The following OR6C4 variants were observed in gnomAD, a reference collection of about 807,000 sequenced individuals.
OR6C4 encodes olfactory receptor family 6 subfamily C member 4.
A neutral mutation model predicts 15.1 loss-of-function variants in OR6C4; 20 were observed. The ratio of observed to expected loss-of-function variants is 1.32; its 90% CI spans 0.93 to 1.92. The LOEUF is 1.92. OR6C4 is among the 30% of genes most tolerant of loss of function. The pLI, the probability that OR6C4 is intolerant of heterozygous loss-of-function variation, is 0.00. For synonymous variants in OR6C4, 179 were observed against 134.2 expected (o/e 1.33, Z -2.31); for missense variants, 491 against 363.2 (o/e 1.35, Z -2.86).
Position 55,553,727 on chromosome 12 carries a change from C to T in OR6C4, c.*1571C>T, listed in dbSNP as rs1873939863. On this transcript the variant is annotated 3_prime_UTR_variant, in exon 2 of 2. Coordinates refer to ENST00000641569, the MANE Select transcript of OR6C4 (RefSeq NM_001005494.2). ...CACATTTCTACTAAAACCTATGGTACAGTGGGAGCAATGTCATATAGTGGC... is the reference window on the plus strand; with the variant it reads ...CACATTTCTACTAAAACCTATGGTATAGTGGGAGCAATGTCATATAGTGGC... 1 of 152,054 alleles carries T rather than the reference C, an allele frequency of 6.6e-6. No individual in the cohort carries two copies. The highest frequency in any genetic ancestry group is 1.5e-5 in the Non-Finnish European group (1 of 68,000). 9.4% of individuals were successfully genotyped at this position (152,054 alleles called of 1,614,324 possible). A position where few individuals can be genotyped will look rare whatever the true frequency, so the allele number is the denominator to read the frequency against.
In OR6C4 at chr12:55,553,245, A is replaced by C. The variant is rs953067199; in HGVS notation, c.*1089A>C. The C allele has an allele frequency of 2.6e-5, 4 of 152,154 alleles. No individual in the cohort carries two copies. Among genetic ancestry groups the C allele is most frequent in the South Asian group, 2.1e-4 (1 of 4,834 alleles). 9.4% of individuals were successfully genotyped at this position (152,154 alleles called of 1,614,324 possible). A position where few individuals can be genotyped will look rare whatever the true frequency, so the allele number is the denominator to read the frequency against. Reference sequence around the variant, plus strand: ...TTACACATGGATTCAAGGCAATGACAACTTGAATTTGAATAGGTAGTGGTA... The same window carrying C: ...TTACACATGGATTCAAGGCAATGACCACTTGAATTTGAATAGGTAGTGGTA... On this transcript the variant is annotated 3_prime_UTR_variant, in exon 2 of 2. Transcript: ENST00000641569.
chr12:55,555,237 A>G lies in OR6C4; in HGVS notation c.*3081A>G, dbSNP rs1358178533. ...TGGGATTTTAGTGCACCTGTCACCC[A>G]AGTAGTATACATTGGACCTAAGCTG... On this transcript the variant is annotated 3_prime_UTR_variant, in exon 2 of 2. Transcript: ENST00000641569. The G allele has an allele frequency of 6.6e-6, 1 of 152,138 alleles. No homozygotes were observed. The highest frequency in any genetic ancestry group is 2.4e-5 in the African/African-American group (1 of 41,428). The allele number at this position is 152,138 out of a possible 1,614,324, so 9.4% of individuals were successfully genotyped here. A position where few individuals can be genotyped will look rare whatever the true frequency, so the allele number is the denominator to read the frequency against.
chr12:55,551,287 C>G lies in OR6C4; in HGVS notation c.61C>G (p.Leu21Val). 6.2e-7 allele frequency: 1 copy of G among 1,613,546 alleles called. No homozygotes were observed. Among genetic ancestry groups the G allele is most frequent in the Non-Finnish European group, 8.5e-7 (1 of 1,179,692 alleles). ...ACTGGGCCTTACAAATCAACCTGAA[C>G]TCCAAGTGATGATATTCATCTTTCT... is the stretch of plus-strand genomic sequence containing the variant. ...ILLGLTNQPE[L>V]QVMIFIFLFL... Residue 21 changes from leucine (L) to valine (V), a missense_variant, in exon 2 of 2, where the codon CTC becomes GTC. Leu to Val is a conservative substitution (Grantham distance 32, BLOSUM62 1). Transcript: ENST00000641569.
chr12:55,553,156 T>C lies in OR6C4; in HGVS notation c.*1000T>C, dbSNP rs1040640256. 2.0e-5 allele frequency: 3 copies of C among 152,144 alleles called. No individual in the cohort carries two copies. Among genetic ancestry groups the C allele is most frequent in the African/African-American group, 7.2e-5 (3 of 41,448 alleles). 9.4% of individuals were successfully genotyped at this position (152,144 alleles called of 1,614,324 possible). On this transcript the variant is annotated 3_prime_UTR_variant, in exon 2 of 2. Coordinates refer to ENST00000641569, the MANE Select transcript of OR6C4 (RefSeq NM_001005494.2). Reference sequence around the variant, plus strand: ...TATAAAGTGTCAATGCAATCTTATATCTAGAATGTTCCAAATTATGAGTCT... The same window carrying C: ...TATAAAGTGTCAATGCAATCTTATACCTAGAATGTTCCAAATTATGAGTCT...
Position 55,551,711 on chromosome 12 carries a change from C to A in OR6C4, c.485C>A (p.Thr162Asn), listed in dbSNP as rs376592523. The A allele has an allele frequency of 6.2e-7, 1 of 1,613,886 alleles. No homozygotes were observed. Among genetic ancestry groups the A allele is most frequent in the Non-Finnish European group, 8.5e-7 (1 of 1,179,892 alleles). The change falls in exon 2 of 2, where the codon ACC (threonine) becomes AAC (asparagine). Residue 162 changes from threonine (T) to asparagine (N), a missense_variant. Transcript: ENST00000641569. ...ATCTTACCACCAATCATCCTGATGA[C>A]CCAGGTAGATTTCTGTGTCTCCAAC... ...LAILPPIILM[T>N]QVDFCVSNIL...
Position 55,551,787 on chromosome 12 carries a change from C to T in OR6C4, c.561C>T (p.Cys187=). The T allele has an allele frequency of 6.2e-7, 1 of 1,612,370 alleles. No individual in the cohort carries two copies. The highest frequency in any genetic ancestry group is 8.5e-7 in the Non-Finnish European group (1 of 1,179,926). The change falls in exon 2 of 2, where the codon TGC becomes TGT. Residue 187 remains cysteine (C), a synonymous_variant. Transcript: ENST00000641569. ...CDYGPLVELA[C]SDTSLLELMV... Reference sequence around the variant, plus strand: ...ATGGGCCTCTCGTGGAGCTTGCCTGCTCAGACACAAGCCTCTTAGAACTGA... The same window carrying T: ...ATGGGCCTCTCGTGGAGCTTGCCTGTTCAGACACAAGCCTCTTAGAACTGA...
rs968318555 is a variant in OR6C4 at position 55,552,774 on chromosome 12, TGAG to T, written c.*622_*624del. The T allele has an allele frequency of 1.3e-5, 2 of 152,124 alleles. No individual in the cohort carries two copies. 9.4% of individuals were successfully genotyped at this position (152,124 alleles called of 1,614,324 possible). On this transcript the variant is annotated 3_prime_UTR_variant, in exon 2 of 2. Coordinates refer to ENST00000641569, the MANE Select transcript of OR6C4 (RefSeq NM_001005494.2). ...TATATTTAGTCTACTTTTCTCCAAA[TGAG>T]GAGAAAATTTTTAAGATTTTTGTCA...
Position 55,551,417 on chromosome 12 carries a change from T to A in OR6C4, c.191T>A (p.Phe64Tyr), listed in dbSNP as rs1483559143. The stretch of plus-strand genomic sequence containing the variant: ...CCCATGTATTTCTTCCTCCGGAATT[T>A]CTCCTTCTTAGAAATTTCCTTCACA... ...QTPMYFFLRN[F>Y]SFLEISFTSI... is the part of the protein sequence containing the mutation. The change falls in exon 2 of 2, where the codon TTC (phenylalanine) becomes TAC (tyrosine). Residue 64 changes from phenylalanine to tyrosine, a missense_variant. Physicochemically the swap from Phe to Tyr is conservative, Grantham distance 22 (BLOSUM62 3). Transcript: ENST00000641569. 2.5e-6 allele frequency: 4 copies of A among 1,613,950 alleles called. No homozygotes were observed. Among genetic ancestry groups the A allele is most frequent in the Non-Finnish European group, 3.4e-6 (4 of 1,179,950 alleles).
In OR6C4 at chr12:55,552,403, G is replaced by A; in HGVS notation, c.*247G>A. 1 of 340,064 alleles carries A rather than the reference G, an allele frequency of 2.9e-6. No individual in the cohort carries two copies. The highest frequency in any genetic ancestry group is 5.2e-6 in the Non-Finnish European group (1 of 191,490). 21.1% of individuals were successfully genotyped at this position (340,064 alleles called of 1,614,324 possible). ...GTGAATGGGGATCTGAAAAGGAACAGTTGGAAAGAATTAGTTCTGTTTTCC... is the reference window on the plus strand; with the variant it reads ...GTGAATGGGGATCTGAAAAGGAACAATTGGAAAGAATTAGTTCTGTTTTCC... On this transcript the variant is annotated 3_prime_UTR_variant, in exon 2 of 2. Coordinates refer to ENST00000641569, the MANE Select transcript of OR6C4 (RefSeq NM_001005494.2).
At position 55,553,201 on chromosome 12, in the gene OR6C4, G is replaced by A. The variant is rs1873924097; in HGVS notation, c.*1045G>A. 1 of 151,970 alleles carries A rather than the reference G, an allele frequency of 6.6e-6. No homozygotes were observed. The highest frequency in any genetic ancestry group is 2.4e-5 in the African/African-American group (1 of 41,402). The allele number at this position is 151,970 out of a possible 1,614,324, so 9.4% of individuals were successfully genotyped here. ...GAGTCTTGAAAAACAACTAGAAATA[G>A]ACTATCCTACCAAAAACTTTACACA... On this transcript the variant is annotated 3_prime_UTR_variant, in exon 2 of 2. Coordinates refer to ENST00000641569, the MANE Select transcript of OR6C4 (RefSeq NM_001005494.2).
rs1056830615 is a variant in OR6C4 at position 55,555,688 on chromosome 12, G to A, written c.*3532G>A. ...AGCTACTTGGGAGGCTAAGGTACAA[G>A]AATCACTTGAACCAGGGAGGCAGAG... On this transcript the variant is annotated 3_prime_UTR_variant, in exon 2 of 2. Coordinates refer to ENST00000641569, the MANE Select transcript of OR6C4 (RefSeq NM_001005494.2). The A allele has an allele frequency of 3.3e-5, 5 of 152,186 alleles. No homozygotes were observed. Among genetic ancestry groups the A allele is most frequent in the South Asian group, 2.1e-4 (1 of 4,834 alleles). 9.4% of individuals were successfully genotyped at this position (152,186 alleles called of 1,614,324 possible).
chr12:55,551,687 T>A lies in OR6C4; in HGVS notation c.461T>A (p.Ile154Asn), dbSNP rs1473203144. The change falls in exon 2 of 2, where the codon ATC (isoleucine) becomes AAC (asparagine). Residue 154 changes from isoleucine to asparagine, a missense_variant. Coordinates refer to ENST00000641569, the MANE Select transcript of OR6C4 (RefSeq NM_001005494.2). ...FCSWLGGFLA[I>N]LPPIILMTQV... is the part of the protein sequence containing the mutation. ...TCCTGGTTGGGGGGATTCCTAGCAATCTTACCACCAATCATCCTGATGACC... is the reference window on the plus strand; with the variant it reads ...TCCTGGTTGGGGGGATTCCTAGCAAACTTACCACCAATCATCCTGATGACC... 1 of 1,613,774 alleles carries A rather than the reference T, an allele frequency of 6.2e-7. No individual in the cohort carries two copies. The highest frequency in any genetic ancestry group is 1.7e-5 in the Admixed American group (1 of 59,914).
In OR6C4 at chr12:55,551,276, A is replaced by G. The variant is rs146968754; in HGVS notation, c.50A>G (p.Asn17Ser). The G allele has an allele frequency of 1.1e-5, 17 of 1,613,502 alleles. No homozygotes were observed. The highest frequency in any genetic ancestry group is 1.4e-5 in the Non-Finnish European group (17 of 1,179,754). Residue 17 changes from asparagine to serine, a missense_variant, in exon 2 of 2, where the codon AAT becomes AGT. Coordinates refer to ENST00000641569, the MANE Select transcript of OR6C4 (RefSeq NM_001005494.2). Reference sequence around the variant, plus strand: ...GAGTTTATTCTACTGGGCCTTACAAATCAACCTGAACTCCAAGTGATGATA... The same window carrying G: ...GAGTTTATTCTACTGGGCCTTACAAGTCAACCTGAACTCCAAGTGATGATA... ...FGEFILLGLT[N>S]QPELQVMIFI... is the part of the protein sequence containing the mutation.
rs377703851 is a variant in OR6C4 at position 55,551,278 on chromosome 12, C to A, written c.52C>A (p.Gln18Lys). 1.2e-6 allele frequency: 2 copies of A among 1,613,248 alleles called. No homozygotes were observed. Among genetic ancestry groups the A allele is most frequent in the Admixed American group, 1.7e-5 (1 of 59,858 alleles). The change falls in exon 2 of 2, where the codon CAA (glutamine) becomes AAA (lysine). Residue 18 changes from glutamine to lysine, a missense_variant. Transcript: ENST00000641569. ...GTTTATTCTACTGGGCCTTACAAAT[C>A]AACCTGAACTCCAAGTGATGATATT... is the stretch of plus-strand genomic sequence containing the variant. Reference protein sequence around the residue: ...GEFILLGLTNQPELQVMIFIF... With the variant: ...GEFILLGLTNKPELQVMIFIF...
At position 55,553,288 on chromosome 12, in the gene OR6C4, A is replaced by G. The variant is rs1873926062; in HGVS notation, c.*1132A>G. On this transcript the variant is annotated 3_prime_UTR_variant, in exon 2 of 2. Coordinates refer to ENST00000641569, the MANE Select transcript of OR6C4 (RefSeq NM_001005494.2). ...TAGTGGTAGTGTCCAATTTCAATGGAAGTAAGCACTTTTTTTTAATCTGAG... is the reference window on the plus strand; with the variant it reads ...TAGTGGTAGTGTCCAATTTCAATGGGAGTAAGCACTTTTTTTTAATCTGAG... The G allele has an allele frequency of 6.6e-6, 1 of 152,162 alleles. No homozygotes were observed. Among genetic ancestry groups the G allele is most frequent in the Admixed American group, 6.6e-5 (1 of 15,250 alleles). The allele number at this position is 152,162 out of a possible 1,614,324, so 9.4% of individuals were successfully genotyped here. A position where few individuals can be genotyped will look rare whatever the true frequency, so the allele number is the denominator to read the frequency against.
At position 55,555,463 on chromosome 12, in the gene OR6C4, C is replaced by T. The variant is rs74737328; in HGVS notation, c.*3307C>T. On this transcript the variant is annotated 3_prime_UTR_variant, in exon 2 of 2. Transcript: ENST00000641569. ...ATAACGACTTCCAGCTCCATCCAAACTGCTGCAAAATACATTCTTTTGTTC... is the reference window on the plus strand; with the variant it reads ...ATAACGACTTCCAGCTCCATCCAAATTGCTGCAAAATACATTCTTTTGTTC... 0.09 allele frequency: 13,730 copies of T among 152,136 alleles called. 1,881 individuals carry two copies. The highest frequency in any genetic ancestry group is 0.3 in the African/African-American group (12,371 of 41,424). The allele number at this position is 152,136 out of a possible 1,614,324, so 9.4% of individuals were successfully genotyped here.
At chr12:55,551,097 G>A in intron 1 of OR6C4, 112 bp from the exon 2 acceptor site, 1 of 684,564 alleles carries the variant, frequency 1.5e-6, no homozygotes, top group Non-Finnish European at 2.5e-6. Context: ...ACTGGTTTGG[G>A]CCATATGGAT....
At position 55,554,884 on chromosome 12, in the gene OR6C4, G is replaced by A. The variant is rs959783965; in HGVS notation, c.*2728G>A. On this transcript the variant is annotated 3_prime_UTR_variant, in exon 2 of 2. Coordinates refer to ENST00000641569, the MANE Select transcript of OR6C4 (RefSeq NM_001005494.2). ...TTTTAATTTTTTTTATTTCAGCCAG[G>A]ATCAGTGACTCACACTTCTAATCCC... 6.6e-6 allele frequency: 1 copy of A among 152,032 alleles called. No individual in the cohort carries two copies. Among genetic ancestry groups the A allele is most frequent in the Admixed American group, 6.6e-5 (1 of 15,260 alleles). The allele number at this position is 152,032 out of a possible 1,614,324, so 9.4% of individuals were successfully genotyped here.
Position 55,551,977 on chromosome 12 carries a change from G to A in OR6C4, c.751G>A (p.Gly251Ser), listed in dbSNP as rs1382798909. Reference protein sequence around the residue: ...SHMIVISLSYGSCMFMYINPS... With the variant: ...SHMIVISLSYSSCMFMYINPS... ...CATGATTGTCATCTCCCTCTCTTAT[G>A]GCAGCTGCATGTTTATGTACATTAA... The change falls in exon 2 of 2, where the codon GGC (glycine) becomes AGC (serine). Residue 251 changes from glycine to serine, a missense_variant. Gly to Ser is a moderately conservative substitution (Grantham distance 56). Transcript: ENST00000641569. 3 of 1,613,754 alleles carry A rather than the reference G, an allele frequency of 1.9e-6. No homozygotes were observed. Among genetic ancestry groups the A allele is most frequent in the South Asian group, 1.1e-5 (1 of 91,058 alleles).
Sources: gnomAD v4.1 joint callset for allele counts on GRCh38, gnomAD v4.1.1 for gene constraint, MANE v1.5 for transcripts, NCBI Gene and HGNC (gene_info 2026-07-23, HGNC 2026-07-21) for gene names.